The following TNFRSF6B variants were observed in gnomAD, a reference collection of about 807,000 sequenced individuals.
TNFRSF6B encodes the protein tumor necrosis factor receptor superfamily member 6B.
In TNFRSF6B, 23 loss-of-function variants were observed where a neutral mutation model predicts 17.9. The ratio of observed to expected loss-of-function variants is 1.28; its 90% CI spans 0.92 to 1.82. The LOEUF (loss-of-function observed/expected upper bound fraction) is 1.82, where lower values mean the gene tolerates loss of function less well. Among genes scored for constraint, TNFRSF6B ranks in the 40% most tolerant of loss-of-function variants. TNFRSF6B has a pLI of 0.00. For synonymous variants in TNFRSF6B, 291 were observed against 195.8 expected (o/e 1.49, Z -4.06); for missense variants, 555 against 437.2 (o/e 1.27, Z -2.40).
rs1246965170 is a variant in TNFRSF6B, at chr20:63,696,735, C to T, written c.-33C>T. The T allele has an allele frequency of 1.3e-6, 2 of 1,518,540 alleles. No individual in the cohort carries two copies. The highest frequency in any genetic ancestry group is 2.0e-5 in the Admixed American group (1 of 48,988). The allele number at this position is 1,518,540 out of a possible 1,614,324, so 94.1% of individuals were successfully genotyped here. A position where few individuals can be genotyped will look rare whatever the true frequency, so the allele number is the denominator to read the frequency against. ...GGCACAGCAGGGTCCTGTGTCCGCG[C>T]TGAGCCGCGCTCTCCCTGCTCCAGC... On this transcript the variant is annotated 5_prime_UTR_variant, in exon 1 of 3. Transcript: ENST00000369996.
rs747836908 is a variant in TNFRSF6B at position 63,697,381 on chromosome 20, G to C, written c.478G>C (p.Ala160Pro). 6.2e-7 allele frequency: 1 copy of C among 1,612,162 alleles called. No homozygotes were observed. The highest frequency in any genetic ancestry group is 8.5e-7 in the Non-Finnish European group (1 of 1,179,742). Residue 160 changes from alanine (A) to proline (P), a missense_variant, in exon 2 of 3, where the codon GCC becomes CCC. Coordinates refer to ENST00000369996, the MANE Select transcript of TNFRSF6B (RefSeq NM_003823.4). ...GCCGTGCCCCCCAGGCACCTTCTCAGCCAGCAGCTCCAGCTCAGAGCAGTG... is the reference window on the plus strand; with the variant it reads ...GCCGTGCCCCCCAGGCACCTTCTCACCCAGCAGCTCCAGCTCAGAGCAGTG... ...CQPCPPGTFS[A>P]SSSSSEQCQP... is the part of the protein sequence containing the mutation.
chr20:63,697,468 C>G lies in TNFRSF6B; in HGVS notation c.565C>G (p.His189Asp). The change falls in exon 2 of 3, where the codon CAT becomes GAT. Residue 189 changes from histidine (H) to aspartate (D), a missense_variant. Transcript: ENST00000369996. Reference protein sequence around the residue: ...LALNVPGSSSHDTLCTSCTGF... With the variant: ...LALNVPGSSSDDTLCTSCTGF... ...CCTCAATGTGCCAGGCTCTTCCTCC[C>G]ATGACACCCTGTGCACCAGCTGCAC... The G allele has an allele frequency of 1.9e-6, 3 of 1,587,476 alleles. No individual in the cohort carries two copies. Among genetic ancestry groups the G allele is most frequent in the Non-Finnish European group, 2.6e-6 (3 of 1,167,676 alleles).
Position 63,697,432 on chromosome 20 carries a change from C to T in TNFRSF6B, c.529C>T (p.Leu177=), listed in dbSNP as rs1219674678. The T allele has an allele frequency of 1.3e-5, 21 of 1,606,288 alleles. No homozygotes were observed. Among genetic ancestry groups the T allele is most frequent in the Admixed American group, 1.7e-5 (1 of 58,858 alleles). ...QCQPHRNCTA[L]GLALNVPGSS... Reference sequence around the variant, plus strand: ...CCAGCCCCACCGCAACTGCACGGCCCTGGGCCTGGCCCTCAATGTGCCAGG... The same window carrying T: ...CCAGCCCCACCGCAACTGCACGGCCTTGGGCCTGGCCCTCAATGTGCCAGG... Residue 177 remains leucine (L), a synonymous_variant, in exon 2 of 3, where the codon CTG becomes TTG. Coordinates refer to ENST00000369996, the MANE Select transcript of TNFRSF6B (RefSeq NM_003823.4).
intron 2 of TNFRSF6B, 135 bp downstream of exon 2, chr20:63,697,657 CA>C (rs2091011685): frequency 9.1e-6 from 9 of 988,536 alleles, no homozygotes; most frequent in Non-Finnish European, 1.3e-5. Context: ...TTTGAGGGGT[CA>C]GGGGTCCCTC....
At position 63,696,904 on chromosome 20, in the gene TNFRSF6B, G is replaced by A. The variant is rs572993898; in HGVS notation, c.137G>A (p.Arg46Gln). Reference protein sequence around the residue: ...YPWRDAETGERLVCAQCPPGT... With the variant: ...YPWRDAETGEQLVCAQCPPGT... ...TGGCGGGACGCAGAGACAGGGGAGCGGCTGGTGTGCGCCCAGTGCCCCCCA... is the reference window on the plus strand; with the variant it reads ...TGGCGGGACGCAGAGACAGGGGAGCAGCTGGTGTGCGCCCAGTGCCCCCCA... The change falls in exon 1 of 3, where the codon CGG (arginine) becomes CAG (glutamine). Residue 46 changes from arginine (R) to glutamine (Q), a missense_variant. Transcript: ENST00000369996. 5.2e-5 allele frequency: 83 copies of A among 1,611,034 alleles called. No homozygotes were observed. The highest frequency in any genetic ancestry group is 4.8e-4 in the South Asian group (44 of 90,942).
At position 63,696,964 on chromosome 20, in the gene TNFRSF6B, G is replaced by T. The variant is rs1360239167; in HGVS notation, c.197G>T (p.Ser66Ile). 10 of 1,608,124 alleles carry T rather than the reference G, an allele frequency of 6.2e-6. No individual in the cohort carries two copies. Among genetic ancestry groups the T allele is most frequent in the Non-Finnish European group, 8.5e-6 (10 of 1,178,716 alleles). ...TFVQRPCRRD[S>I]PTTCGPCPPR... ...GTGCAGCGGCCGTGCCGCCGAGACA[G>T]CCCCACGACGTGTGGCCCGTGTCCA... Residue 66 changes from serine to isoleucine, a missense_variant, in exon 1 of 3, where the codon AGC (serine) becomes ATC (isoleucine). Ser to Ile is a moderately radical substitution (Grantham distance 142, BLOSUM62 -2). Transcript: ENST00000369996.
In TNFRSF6B at chr20:63,698,668, A is replaced by AAAAAT. The variant is rs1568734793; in HGVS notation, c.*107_*108insAATAA. On this transcript the variant is annotated 3_prime_UTR_variant, in exon 3 of 3. Transcript: ENST00000369996. Reference sequence around the variant, plus strand: ...GAGGTTTCTTAAAGCTTATTTTTATAAAGCTTTTTCATAAAACTGGTTGTA... The same window carrying AAAAAT: ...GAGGTTTCTTAAAGCTTATTTTTATAAAAATAAGCTTTTTCATAAAACTGGTTGTA... The AAAAAT allele has an allele frequency of 4.6e-6, 6 of 1,293,272 alleles. No individual in the cohort carries two copies. Among genetic ancestry groups the AAAAAT allele is most frequent in the Non-Finnish European group, 6.0e-6 (6 of 995,780 alleles). The allele number at this position is 1,293,272 out of a possible 1,614,324, so 80.1% of individuals were successfully genotyped here.
At position 63,698,371 on chromosome 20, in the gene TNFRSF6B, G is replaced by A. The variant is rs746126394; in HGVS notation, c.711G>A (p.Glu237=). ...KRLQRLLQAL[E]APEGWGPTPR... Reference sequence around the variant, plus strand: ...TGCAGCGGCTGCTGCAGGCCCTCGAGGCCCCGGAGGGCTGGGGTCCGACAC... The same window carrying A: ...TGCAGCGGCTGCTGCAGGCCCTCGAAGCCCCGGAGGGCTGGGGTCCGACAC... The change falls in exon 3 of 3, where the codon GAG becomes GAA. Residue 237 remains glutamate, a synonymous_variant. Coordinates refer to ENST00000369996, the MANE Select transcript of TNFRSF6B (RefSeq NM_003823.4). 5 of 1,608,230 alleles carry A rather than the reference G, an allele frequency of 3.1e-6. No homozygotes were observed. Among genetic ancestry groups the A allele is most frequent in the African/African-American group, 1.3e-5 (1 of 74,380 alleles).
chr20:63,697,816 G>A (rs1291206), intron 2 of TNFRSF6B, among the ~76,000 whole-genome samples: 29,486 of 152,086 alleles, frequency 0.19, 3,874 homozygotes, highest in East Asian at 0.62. Flanking sequence ...TCTGACACGG[G>A]GAAACCGAGG....
chr20:63,697,598 C>A (rs115449224), intron 2 of TNFRSF6B, 76 bp downstream of exon 2: 2 of 1,415,866 alleles, frequency 1.4e-6, no homozygotes, highest in Non-Finnish European at 1.9e-6. Flanking sequence ...CCTGCACGTG[C>A]ATCTAGCCTG....
chr20:63,696,785 G>T lies in TNFRSF6B; in HGVS notation c.18G>T (p.Gly6=). 1 of 1,600,336 alleles carries T rather than the reference G, an allele frequency of 6.2e-7. No homozygotes were observed. Residue 6 remains glycine, a synonymous_variant, in exon 1 of 3, where the codon GGG becomes GGT. Transcript: ENST00000369996. MRALE[G]PGLSLLCLVL... is the part of the protein sequence containing the mutation. The stretch of plus-strand genomic sequence containing the variant: ...CAAGGACCATGAGGGCGCTGGAGGG[G>T]CCAGGCCTGTCGCTGCTGTGCCTGG...
intron 1 of TNFRSF6B, 48 bp from the exon 2 acceptor site, chr20:63,697,280 A>T: frequency 6.3e-7 from 1 of 1,577,820 alleles, no homozygotes; most frequent in Non-Finnish European, 8.6e-7. Context: ...TTGCACCCTG[A>T]GCTAGGACAC....
rs759985336 is a variant in TNFRSF6B, at chr20:63,697,533, G to C, written c.619+11G>C. 49 of 1,535,268 alleles carry C rather than the reference G, an allele frequency of 3.2e-5. No individual in the cohort carries two copies. Among genetic ancestry groups the C allele is most frequent in the Admixed American group, 8.0e-5 (4 of 50,282 alleles). On this transcript the variant is annotated intron_variant, in intron 2 of 2. Coordinates refer to ENST00000369996, the MANE Select transcript of TNFRSF6B (RefSeq NM_003823.4). ...GCACCAGGGTACCAGGTGAGCCAGA[G>C]GCCTGAGGGGGCAGCACACTGCAGG...
intron 2 of TNFRSF6B, 141 bp from the exon 3 acceptor site, chr20:63,698,139 C>G: frequency 8.9e-7 from 1 of 1,122,816 alleles, no homozygotes; most frequent in East Asian, 2.8e-5. Context: ...TTGCACTGCC[C>G]TCTCCAGCAC....
Position 63,698,360 on chromosome 20 carries a change from C to T in TNFRSF6B, c.700C>T (p.Gln234Ter). The change falls in exon 3 of 3, where the codon CAG (glutamine) becomes TAG (stop). Residue 234 changes from glutamine to a stop codon, truncating the protein, a stop_gained. Transcript: ENST00000369996. LOFTEE classifies it low-confidence loss of function (END_TRUNC). ...CATCAAGAGGCTGCAGCGGCTGCTG[C>T]AGGCCCTCGAGGCCCCGGAGGGCTG... is the stretch of plus-strand genomic sequence containing the variant. ...ISIKRLQRLLQALEAPEGWGP... is the reference protein window; with the variant it reads ...ISIKRLQRLL The T allele has an allele frequency of 1.2e-6, 2 of 1,610,612 alleles. No individual in the cohort carries two copies. The highest frequency in any genetic ancestry group is 1.7e-6 in the Non-Finnish European group (2 of 1,179,082).
At position 63,697,112 on chromosome 20, in the gene TNFRSF6B, C is replaced by T. The variant is rs771399362; in HGVS notation, c.345C>T (p.Cys115=). ...CHATHNRACR[C]RTGFFAHAGF... ...CCACCCACAACCGTGCCTGCCGCTGCCGCACCGGCTTCTTCGCGCACGCTG... is the reference window on the plus strand; with the variant it reads ...CCACCCACAACCGTGCCTGCCGCTGTCGCACCGGCTTCTTCGCGCACGCTG... The change falls in exon 1 of 3, where the codon TGC becomes TGT. Residue 115 remains cysteine (C), a synonymous_variant. Transcript: ENST00000369996. The T allele has an allele frequency of 6.2e-7, 1 of 1,600,624 alleles. No homozygotes were observed. The highest frequency in any genetic ancestry group is 2.2e-5 in the East Asian group (1 of 44,518).
rs1384960190 is a variant in TNFRSF6B at position 63,697,419 on chromosome 20, C to T, written c.516C>T (p.Arg172=). The T allele has an allele frequency of 1.2e-6, 2 of 1,609,966 alleles. No individual in the cohort carries two copies. The highest frequency in any genetic ancestry group is 1.7e-6 in the Non-Finnish European group (2 of 1,178,922). ...GCTCAGAGCAGTGCCAGCCCCACCG[C>T]AACTGCACGGCCCTGGGCCTGGCCC... The part of the protein sequence containing the change: ...SSSSEQCQPH[R]NCTALGLALN... Residue 172 remains arginine, a synonymous_variant, in exon 2 of 3, where the codon CGC becomes CGT. Transcript: ENST00000369996.
Position 63,698,376 on chromosome 20 carries a change from C to G in TNFRSF6B, c.716C>G (p.Pro239Arg). 6.2e-7 allele frequency: 1 copy of G among 1,607,864 alleles called. No individual in the cohort carries two copies. Among genetic ancestry groups the G allele is most frequent in the Non-Finnish European group, 8.5e-7 (1 of 1,178,096 alleles). The change falls in exon 3 of 3, where the codon CCG (proline) becomes CGG (arginine). Residue 239 changes from proline to arginine, a missense_variant. Pro to Arg is a moderately radical substitution (Grantham distance 103). Transcript: ENST00000369996. The stretch of plus-strand genomic sequence containing the variant: ...CGGCTGCTGCAGGCCCTCGAGGCCC[C>G]GGAGGGCTGGGGTCCGACACCAAGG... ...LQRLLQALEA[P>R]EGWGPTPRAG...
Position 63,696,730 on chromosome 20 carries a change from C to A in TNFRSF6B, c.-38C>A, listed in dbSNP as rs769124837. The A allele has an allele frequency of 6.6e-7, 1 of 1,505,824 alleles. No homozygotes were observed. The highest frequency in any genetic ancestry group is 8.9e-7 in the Non-Finnish European group (1 of 1,127,650). 93.3% of individuals were successfully genotyped at this position (1,505,824 alleles called of 1,614,324 possible). A position where few individuals can be genotyped will look rare whatever the true frequency, so the allele number is the denominator to read the frequency against. ...GGTCAGGCACAGCAGGGTCCTGTGT[C>A]CGCGCTGAGCCGCGCTCTCCCTGCT... On this transcript the variant is annotated 5_prime_UTR_variant, in exon 1 of 3. Transcript: ENST00000369996.
Sources: allele counts gnomAD v4.1 joint callset (sites outside exome capture counted in the v4.1 genomes callset), GRCh38; gene constraint gnomAD v4.1.1; transcripts MANE v1.5; gene names NCBI Gene and HGNC (gene_info 2026-07-23, HGNC 2026-07-21).